VRK3: variants seen among roughly 807,000 people sequenced by gnomAD.
VRK3 encodes the protein VRK serine/threonine kinase 3, also known as serine/threonine-protein kinase VRK3.
A neutral mutation model predicts 60.4 loss-of-function variants in VRK3; 50 were observed. The observed-to-expected ratio is 0.83, with a 90% CI of 0.66 to 1.05. The LOEUF (loss-of-function observed/expected upper bound fraction) is 1.05, where lower values mean the gene tolerates loss of function less well. Among genes scored for constraint, VRK3 ranks in the 50% least tolerant of loss-of-function variants. The pLI is 0.00. For missense variants in VRK3, 549 were observed against 585.3 expected (o/e 0.94, Z 0.64); for synonymous variants, 246 against 227.8 (o/e 1.08, Z -0.72).
At chr19:50,011,785 G>A (rs1169625990) in intron 3 of VRK3, among the ~76,000 whole-genome samples, 16 of 135,856 alleles carry the variant, frequency 1.2e-4, no homozygotes, top group Non-Finnish European at 2.0e-4. Context: ...TCCCCCAGGC[G>A]GAAATGTTCC....
At position 50,007,674 on chromosome 19, in the gene VRK3, A is replaced by G; in HGVS notation, c.442T>C (p.Ser148Pro). 1 of 1,614,004 alleles carries G rather than the reference A, an allele frequency of 6.2e-7. No homozygotes were observed. Among genetic ancestry groups the G allele is most frequent in the Non-Finnish European group, 8.5e-7 (1 of 1,180,026 alleles). The change falls in exon 5 of 15, where the codon TCA becomes CCA. Residue 148 changes from serine (S) to proline (P), a missense_variant. By Grantham distance (74) the Ser-to-Pro change is moderately conservative (BLOSUM62 -1). Coordinates refer to ENST00000316763, the MANE Select transcript of VRK3 (RefSeq NM_016440.4). ...QTLKRSRVTT[S>P]LEALPTGTVL... ...GTCCCTGTGGGCAAAGCTTCAAGTGAGGTGGTCACTCGGCTCCGCTTCAGC... is the reference window on the plus strand; with the variant it reads ...GTCCCTGTGGGCAAAGCTTCAAGTGGGGTGGTCACTCGGCTCCGCTTCAGC...
intron 9 of VRK3, among the ~76,000 whole-genome samples, chr19:49,993,623 C>T (rs111637206): frequency 2.6e-5 from 4 of 152,274 alleles, no homozygotes; most frequent in South Asian, 2.1e-4. Context: ...TGGTCTTGAA[C>T]TCCTGAGCTC....
intron 3 of VRK3, among the ~76,000 whole-genome samples, chr19:50,011,964 G>C (rs1600712998): frequency 6.9e-6 from 1 of 144,598 alleles, no homozygotes; most frequent in South Asian, 2.2e-4. Context: ...CTCCCACCTT[G>C]CTCATTCTTT....
intron 12 of VRK3, among the ~76,000 whole-genome samples, chr19:49,986,023 TG>T (rs2076509620): frequency 6.6e-6 from 1 of 152,208 alleles, no homozygotes; most frequent in South Asian, 2.1e-4. Flanking sequence ...GGGCAGTGCC[TG>T]GCACAGACAA....
chr19:49,989,489 C>G, intron 11 of VRK3, 150 bp downstream of exon 11: 2 of 1,101,752 alleles, frequency 1.8e-6, no homozygotes, highest in Non-Finnish European at 2.5e-6. Flanking sequence ...CCCTTGCGGT[C>G]GGGACGCTGT....
At position 50,007,691 on chromosome 19, in the gene VRK3, C is replaced by T. The variant is rs1247393824; in HGVS notation, c.425G>A (p.Arg142Gln). The T allele has an allele frequency of 1.9e-6, 3 of 1,614,178 alleles. No individual in the cohort carries two copies. Among genetic ancestry groups the T allele is most frequent in the Admixed American group, 1.7e-5 (1 of 60,014 alleles). ...TTCAAGTGAGGTGGTCACTCGGCTC[C>T]GCTTCAGCGTCTGAGGGCTCTGCCT... ...KTRQSPQTLK[R>Q]SRVTTSLEAL... is the part of the protein sequence containing the mutation. Residue 142 changes from arginine (R) to glutamine (Q), a missense_variant, in exon 5 of 15, where the codon CGG (arginine) becomes CAG (glutamine). By Grantham distance (43) the Arg-to-Gln change is conservative. Transcript: ENST00000316763.
intron 12 of VRK3, 27 bp downstream of exon 12, chr19:49,988,345 A>G: frequency 6.3e-7 from 1 of 1,592,046 alleles, no homozygotes; most frequent in South Asian, 1.1e-5. Context: ...GACCACCTGC[A>G]GGGGTTCTGC....
chr19:50,019,993 C>T (rs1267426837), intron 2 of VRK3, among the ~76,000 whole-genome samples: 1 of 151,856 alleles, frequency 6.6e-6, no homozygotes, highest in Non-Finnish European at 1.5e-5. Flanking sequence ...ATTTTCCTGT[C>T]AGTGTCCCAT....
At chr19:50,006,398 C>G (rs190506436) in intron 5 of VRK3, among the ~76,000 whole-genome samples, 2 of 150,106 alleles carry the variant, frequency 1.3e-5, no homozygotes, top group Non-Finnish European at 3.0e-5. Context: ...TTTTTTGAGA[C>G]GGAGTCTCGC....
At chr19:50,006,376 T>C (rs2076892013) in intron 5 of VRK3, among the ~76,000 whole-genome samples, 2 of 150,092 alleles carry the variant, frequency 1.3e-5, no homozygotes, top group South Asian at 4.1e-4. Flanking sequence ...GGAGTCTCAC[T>C]GAATAATTTT....
At chr19:50,012,345 T>A (rs1330922745) in intron 3 of VRK3, among the ~76,000 whole-genome samples, 2 of 152,216 alleles carry the variant, frequency 1.3e-5, no homozygotes, top group Non-Finnish European at 2.9e-5. Flanking sequence ...CTGAAAAGCA[T>A]GTTCCCTTAT....
At chr19:49,978,075 A>G (rs1277214687) in intron 14 of VRK3, among the ~76,000 whole-genome samples, 1 of 152,206 alleles carries the variant, frequency 6.6e-6, no homozygotes, top group Non-Finnish European at 1.5e-5. Flanking sequence ...CCCTGCGACT[A>G]GGATCTCACA....
intron 5 of VRK3, among the ~76,000 whole-genome samples, chr19:50,002,601 T>A (rs1169616952): frequency 2.0e-5 from 3 of 152,156 alleles, no homozygotes; most frequent in East Asian, 3.9e-4. Flanking sequence ...TATAATCTGC[T>A]TTGCAGATTA....
intron 10 of VRK3, among the ~76,000 whole-genome samples, chr19:49,990,308 T>C (rs982678823): frequency 1.3e-5 from 2 of 152,226 alleles, no homozygotes; most frequent in Non-Finnish European, 2.9e-5. Context: ...AGGGTTCTTA[T>C]AAGGCTTAAC....
intron 13 of VRK3, among the ~76,000 whole-genome samples, chr19:49,980,233 C>T (rs1318937620): frequency 6.6e-6 from 1 of 152,064 alleles, no homozygotes; most frequent in African/African-American, 2.4e-5. Context: ...GACACCCCAA[C>T]AAGACAGTGC....
At chr19:50,015,099 G>A (rs1306763631) in intron 3 of VRK3, among the ~76,000 whole-genome samples, 3 of 152,052 alleles carry the variant, frequency 2.0e-5, no homozygotes, top group South Asian at 2.1e-4. Flanking sequence ...GATGAATGGA[G>A]TGCTATTCAT....
Position 50,000,844 on chromosome 19 carries a change from G to C in VRK3, c.558C>G (p.Thr186=). The part of the protein sequence containing the change: ...NQGILYEAAP[T]STLTCDSGPQ... ...GTCCTGAGTCACAGGTGAGGGTGGA[G>C]GTGGGTGCAGCTGTGGGGGAACAAA... The change falls in exon 6 of 15, where the codon ACC becomes ACG. Residue 186 remains threonine, a synonymous_variant. Transcript: ENST00000316763. 1 of 1,613,926 alleles carries C rather than the reference G, an allele frequency of 6.2e-7. No individual in the cohort carries two copies. The highest frequency in any genetic ancestry group is 8.5e-7 in the Non-Finnish European group (1 of 1,179,914).
intron 12 of VRK3, chr19:49,986,806 C>T (rs926555457): frequency 6.6e-6 from 1 of 152,206 alleles, no homozygotes; most frequent in African/African-American, 2.4e-5. Flanking sequence ...GCTGATGGCT[C>T]CGGAGATATT....
chr19:49,998,921 C>A (rs1252093049), intron 6 of VRK3: 1 of 117,454 alleles, frequency 8.5e-6, no homozygotes, highest in East Asian at 2.7e-4. Flanking sequence ...CCAACCTGGG[C>A]AACACAGGAA....
Sources: allele counts gnomAD v4.1 joint callset (sites outside exome capture counted in the v4.1 genomes callset), GRCh38; gene constraint gnomAD v4.1.1; transcripts MANE v1.5; gene names NCBI Gene and HGNC (gene_info 2026-07-23, HGNC 2026-07-21).